The following MS4A18 variants were observed in gnomAD, a reference collection of about 807,000 sequenced individuals.
MS4A18 encodes the protein membrane-spanning 4-domains subfamily A member 18.
In MS4A18, 27 loss-of-function variants were observed where a neutral mutation model predicts 13.1. The ratio of observed to expected loss-of-function variants is 2.06; its 90% confidence interval spans 1.52 to 2.84. The LOEUF (loss-of-function observed/expected upper bound fraction) is 2.84. MS4A18 is among the 30% of genes most tolerant of loss of function. The pLI is 0.00. For missense variants in MS4A18, 307 were observed against 196.4 expected, an observed-to-expected ratio of 1.56 and a Z score of -3.37; for synonymous variants, 126 against 76.5, an observed-to-expected ratio of 1.65 and a Z score of -3.38.
chr11:60,728,436 G>A (rs992889596), upstream of MS4A18, among the ~76,000 whole-genome samples: 1 of 148,578 alleles, frequency 6.7e-6, no homozygotes, highest in Non-Finnish European at 1.5e-5. Flanking sequence ...GTGTGTATCT[G>A]TGTGTGTGTC....
chr11:60,729,362 C>G (rs762082854), exon 1 of MS4A18: 2 of 702,782 alleles, frequency 2.8e-6, no homozygotes, highest in East Asian at 2.7e-5. Flanking sequence ...GGCATTATTG[C>G]CCCAGATAAT....
At chr11:60,726,807 C>T (rs978974022), upstream of MS4A18, among the ~76,000 whole-genome samples, 26 of 149,364 alleles carry the variant, frequency 1.7e-4, no homozygotes, top group Admixed American at 1.2e-3. Flanking sequence ...ATGTGCAGAA[C>T]GTGCAGGCTT....
At chr11:60,740,053 T>C (rs1853394959) in intron 4 of MS4A18, among the ~76,000 whole-genome samples, 1 of 152,186 alleles carries the variant, frequency 6.6e-6, no homozygotes, top group South Asian at 2.1e-4. Flanking sequence ...GGCAGCAAGA[T>C]GCTGGCCTCT....
upstream of MS4A18, among the ~76,000 whole-genome samples, chr11:60,728,715 CCTCT>C (rs1171248407): frequency 7.3e-5 from 11 of 151,156 alleles, no homozygotes; most frequent in Non-Finnish European, 1.0e-4. Context: ...TTTTCCTTTC[CCTCT>C]CTCTCTCCTT....
chr11:60,740,113 T>C (rs1445472713), intron 4 of MS4A18, among the ~76,000 whole-genome samples: 1 of 152,136 alleles, frequency 6.6e-6, no homozygotes, highest in Non-Finnish European at 1.5e-5. Flanking sequence ...GTGGATTGTG[T>C]TCATGTGGAA....
chr11:60,736,163 T>C (rs1266908564), intron 2 of MS4A18, among the ~76,000 whole-genome samples: 1 of 152,104 alleles, frequency 6.6e-6, no homozygotes, highest in Non-Finnish European at 1.5e-5. Flanking sequence ...GCAAAACCCC[T>C]GAGTGCCCCT....
chr11:60,740,330 G>A (rs996369711), intron 4 of MS4A18, among the ~76,000 whole-genome samples: 3 of 152,152 alleles, frequency 2.0e-5, no homozygotes, highest in Admixed American at 2.0e-4. Flanking sequence ...CTGTGGGCAG[G>A]GACCAGGCCC....
chr11:60,733,410 G>C, intron 1 of MS4A18, 124 bp from the exon 3 acceptor site: 1 of 655,540 alleles, frequency 1.5e-6, no homozygotes, highest in Non-Finnish European at 2.8e-6. Context: ...ATTTGGTCTG[G>C]GATGAGCCCC....
Position 60,732,392 on chromosome 11 carries a change from G to A in MS4A18, c.478-1142G>A, listed in dbSNP as rs79729984. Among the ~76,000 whole-genome samples, 345 of 152,024 alleles carry A rather than the reference G, an allele frequency of 2.3e-3. 2 individuals are homozygous for A. The highest frequency in any genetic ancestry group is 8.1e-3 in the African/African-American group (336 of 41,470). On this transcript the variant is annotated intron_variant, in intron 1 of 5. Coordinates refer to ENST00000529108, the Ensembl canonical transcript of MS4A18. ...TAGAGGAGGCCACAAAGAGAATATC[G>A]GTACTGGGAAGATGAATGGAGTCAG... is the stretch of plus-strand genomic sequence containing the variant.
exon 1 of MS4A18, chr11:60,729,368 A>G (rs151272326): frequency 8.5e-6 from 6 of 702,682 alleles, no homozygotes; most frequent in South Asian, 1.5e-5. Context: ...ATTGCCCCAG[A>G]TAATGTTCAC....
At chr11:60,742,063 C>G (rs563077703) in intron 5 of MS4A18, among the ~76,000 whole-genome samples, 2 of 152,304 alleles carry the variant, frequency 1.3e-5, no homozygotes, top group South Asian at 4.2e-4. Flanking sequence ...TCCTATGAGG[C>G]ACATATTGTC....
upstream of MS4A18, among the ~76,000 whole-genome samples, chr11:60,725,335 A>T (rs1853134038): frequency 6.6e-6 from 1 of 152,110 alleles, no homozygotes; most frequent in Admixed American, 6.5e-5. Flanking sequence ...CTGGGACTAC[A>T]GGCGCCCGCC....
At chr11:60,743,561 GT>G (rs1468322030) in intron 5 of MS4A18, 88 bp from the exon 7 acceptor site, 1 of 658,152 alleles carries the variant, frequency 1.5e-6, no homozygotes, top group Non-Finnish European at 2.8e-6. Flanking sequence ...CTACCTAAGG[GT>G]ATGGAAACAG....
intron 5 of MS4A18, among the ~76,000 whole-genome samples, chr11:60,743,052 G>T (rs117718936): frequency 0.02 from 2,973 of 152,216 alleles, 51 homozygotes; most frequent in Middle Eastern, 0.031. Context: ...TTTGCTAAAG[G>T]CTTACTCACA....
intron 1 of MS4A18, among the ~76,000 whole-genome samples, chr11:60,732,745 A>G (rs950279209): frequency 2.1e-5 from 3 of 144,560 alleles, no homozygotes; most frequent in African/African-American, 5.1e-5. Context: ...AAAAAAAAAA[A>G]AAAAAAAGAA....
chr11:60,736,602 G>A (rs1853343071), intron 2 of MS4A18, among the ~76,000 whole-genome samples: 1 of 152,176 alleles, frequency 6.6e-6, no homozygotes, highest in African/African-American at 2.4e-5. Context: ...TCACAGTTGA[G>A]GATAGGGCAG....
At chr11:60,744,003 C>T (rs979612309) in exon 6 of MS4A18, 38 of 698,824 alleles carry the variant, frequency 5.4e-5, no homozygotes, top group African/African-American at 2.3e-4. Context: ...AGCTGATTTG[C>T]ACAGAGATAG....
intron 5 of MS4A18, among the ~76,000 whole-genome samples, chr11:60,742,786 C>A (rs1181883016): frequency 6.6e-6 from 1 of 152,174 alleles, no homozygotes. Context: ...CAAACTAAAT[C>A]ATTCCTTCTT....
chr11:60,729,728 C>T (rs1201774726), exon 1 of MS4A18: 1 of 702,634 alleles, frequency 1.4e-6, no homozygotes, highest in African/African-American at 1.7e-5. Flanking sequence ...ACGTCATTTG[C>T]ATCATTTACT....
Sources: gnomAD v4.1 joint callset for allele counts (sites outside exome capture counted in the v4.1 genomes callset) on GRCh38, gnomAD v4.1.1 for gene constraint, MANE v1.5 for transcripts, NCBI Gene and HGNC (gene_info 2026-07-23, HGNC 2026-07-21) for gene names.